Variants in ANKS1A observed in about 807,000 individuals in gnomAD.
The protein encoded by ANKS1A is ankyrin repeat and sterile alpha motif domain containing 1A, also known as ankyrin repeat and SAM domain-containing protein 1A.
ANKS1A carries 55 observed loss-of-function variants against 120.3 expected under a neutral mutation model. That is an observed-to-expected ratio of 0.46 (90% CI 0.37 to 0.57). The LOEUF is 0.57. ANKS1A is among the 20% of genes least tolerant of loss of function. ANKS1A has a pLI of 0.00. For synonymous variants in ANKS1A, 590 were observed against 604.7 expected (o/e 0.98, Z 0.36); for missense variants, 1,123 against 1,480.3 (o/e 0.76, Z 3.96).
intron 11 of ANKS1A, among the ~76,000 whole-genome samples, chr6:35,042,579 G>A (rs1775516537): frequency 6.6e-6 from 1 of 152,232 alleles, no homozygotes; most frequent in Non-Finnish European, 1.5e-5. Context: ...CGGACCTTAT[G>A]TATGTGTGAG....
chr6:35,062,537 C>T (rs981683964), intron 13 of ANKS1A, among the ~76,000 whole-genome samples: 1 of 152,206 alleles, frequency 6.6e-6, no homozygotes, highest in Non-Finnish European at 1.5e-5. Context: ...GACTCTTCTA[C>T]AAGATGCAGA....
intron 1 of ANKS1A, among the ~76,000 whole-genome samples, chr6:34,924,037 C>T (rs1581699139): frequency 6.6e-6 from 1 of 151,972 alleles, no homozygotes; most frequent in Non-Finnish European, 1.5e-5. Context: ...TTGGCTTGGC[C>T]CCATGGCCTC....
chr6:35,056,524 C>A (rs920100260), intron 12 of ANKS1A, among the ~76,000 whole-genome samples: 1 of 152,212 alleles, frequency 6.6e-6, no homozygotes, highest in East Asian at 1.9e-4. Flanking sequence ...TCCTGACCTC[C>A]TGATCCACCC....
At chr6:35,091,611 C>G (rs568790464), downstream of ANKS1A, among the ~76,000 whole-genome samples, 1 of 152,310 alleles carries the variant, frequency 6.6e-6, no homozygotes, top group South Asian at 2.1e-4. Flanking sequence ...GGCGCAAGGG[C>G]CCCAGGATTC....
At chr6:34,984,156 T>C (rs1772062321) in intron 7 of ANKS1A, among the ~76,000 whole-genome samples, 2 of 152,250 alleles carry the variant, frequency 1.3e-5, no homozygotes, top group East Asian at 3.9e-4. Flanking sequence ...TAATATATCA[T>C]ATGAGCAACA....
Position 35,078,326 on chromosome 6 carries a change from G to A in ANKS1A, c.2185-232G>A, listed in dbSNP as rs992458966. Among the ~76,000 whole-genome samples the A allele has an allele frequency of 7.9e-5, 12 of 152,314 alleles. No individual in the cohort carries two copies. The East Asian group carries it at 2.1e-3, about 27-fold the overall frequency. On this transcript the variant is annotated intron_variant, in intron 13 of 23. Coordinates refer to ENST00000360359, the MANE Select transcript of ANKS1A (RefSeq NM_015245.3). Reference sequence around the variant, plus strand: ...GCAGGCGGCACCCCCACCCTTGTGTGCCCTGGCCGGCCTCAGCACCCTGTG... The same window carrying A: ...GCAGGCGGCACCCCCACCCTTGTGTACCCTGGCCGGCCTCAGCACCCTGTG...
chr6:35,038,292 C>G (rs1581684346), intron 11 of ANKS1A: 2 of 456,526 alleles, frequency 4.4e-6, no homozygotes, highest in South Asian at 3.1e-5. Flanking sequence ...TTGCATGCCA[C>G]AGTGGTGAAG....
chr6:35,095,660 A>AAAC (rs1376234999), downstream of ANKS1A, among the ~76,000 whole-genome samples: 15 of 151,790 alleles, frequency 9.9e-5, no homozygotes, highest in African/African-American at 3.6e-4. Context: ...AAAAAAAAAA[A>AAAC]AAAAGCTGGA....
At chr6:34,991,597 T>TAC (rs1772528167) in intron 9 of ANKS1A, among the ~76,000 whole-genome samples, 3 of 147,838 alleles carry the variant, frequency 2.0e-5, no homozygotes, top group East Asian at 2.0e-4. Context: ...CATATATATA[T>TAC]ACACACATAT....
rs745698580 is a variant in ANKS1A, at chr6:35,083,254, G to A, written c.2907+28G>A. ...AGGGTGCCTGTGTGGGCTGGAGGGCGCTGTGGGACTGGCCAGCAGAAGGCA... is the reference window on the plus strand; with the variant it reads ...AGGGTGCCTGTGTGGGCTGGAGGGCACTGTGGGACTGGCCAGCAGAAGGCA... On this transcript the variant is annotated intron_variant, in intron 19 of 23. Transcript: ENST00000360359. 115 of 1,613,424 alleles carry A rather than the reference G, an allele frequency of 7.1e-5. 1 individual carries two copies. In the South Asian group the frequency reaches 1.0e-3, roughly 15 times the overall value.
intron 1 of ANKS1A, 102 bp from the exon 2 acceptor site, chr6:34,967,137 C>G (rs191499494): frequency 2.7e-6 from 3 of 1,130,058 alleles, no homozygotes; most frequent in East Asian, 4.7e-5. Flanking sequence ...TCTGGTTGAA[C>G]ACCACACAGA....
chr6:35,030,028 A>G (rs1774827215), intron 11 of ANKS1A, among the ~76,000 whole-genome samples: 1 of 152,138 alleles, frequency 6.6e-6, no homozygotes, highest in Non-Finnish European at 1.5e-5. Flanking sequence ...TTTCCTGGTG[A>G]TGAAACTAAA....
intron 10 of ANKS1A, among the ~76,000 whole-genome samples, chr6:35,015,513 G>T (rs890692153): frequency 6.6e-6 from 1 of 152,008 alleles, no homozygotes; most frequent in African/African-American, 2.4e-5. Context: ...AAAAAATAAA[G>T]AAGTGTAGAG....
intron 3 of ANKS1A, 121 bp from the exon 4 acceptor site, chr6:34,981,569 G>C: frequency 9.3e-7 from 1 of 1,074,342 alleles, no homozygotes; most frequent in Non-Finnish European, 1.3e-6. Context: ...ACTTTTATTA[G>C]CCCCCAAGTG....
chr6:34,982,080 TA>T lies in ANKS1A; in HGVS notation c.732+95del. 1 of 1,447,080 alleles carries T rather than the reference TA, an allele frequency of 6.9e-7. No homozygotes were observed. Among genetic ancestry groups the T allele is most frequent in the Non-Finnish European group, 9.3e-7 (1 of 1,074,042 alleles). 89.6% of individuals were successfully genotyped at this position (1,447,080 alleles called of 1,614,324 possible). A position where few individuals can be genotyped will look rare whatever the true frequency, so the allele number is the denominator to read the frequency against. ...ATGCTGCTGGGCTGTGCTCTTTATTTAGCACGTTTCACATCATGTTTCAAAT... is the reference window on the plus strand; with the variant it reads ...ATGCTGCTGGGCTGTGCTCTTTATTTGCACGTTTCACATCATGTTTCAAAT... On this transcript the variant is annotated intron_variant, in intron 4 of 23. Coordinates refer to ENST00000360359, the MANE Select transcript of ANKS1A (RefSeq NM_015245.3). This position sits in a 1 kb window ranked among gnomAD's most constrained non-coding sequence, Gnocchi z 4.9.
chr6:35,030,832 C>T lies in ANKS1A; in HGVS notation c.2010+12773C>T, dbSNP rs116570282. On this transcript the variant is annotated intron_variant, in intron 11 of 23. Coordinates refer to ENST00000360359, the MANE Select transcript of ANKS1A (RefSeq NM_015245.3). ...TTCTCGTTTCCTTGCCAGGCAGGCA[C>T]GCCAGTTTCTTCTCTCTCACCTCAG... Among the ~76,000 whole-genome samples, 929 of 152,302 alleles carry T rather than the reference C, an allele frequency of 6.1e-3. 9 individuals carry two copies. The highest frequency in any genetic ancestry group is 0.021 in the African/African-American group (883 of 41,570).
In ANKS1A at chr6:35,090,804, G is replaced by A. The variant is rs959569867; in HGVS notation, c.*2195G>A. 3.8e-5 allele frequency: 37 copies of A among 985,792 alleles called. No individual in the cohort carries two copies. The highest frequency in any genetic ancestry group is 1.7e-4 in the African/African-American group (10 of 57,250). The allele number at this position is 985,792 out of a possible 1,614,324, so 61.1% of individuals were successfully genotyped here. A position where few individuals can be genotyped will look rare whatever the true frequency, so the allele number is the denominator to read the frequency against. On this transcript the variant is annotated 3_prime_UTR_variant, in exon 24 of 24. Transcript: ENST00000360359. ...TTCTGAACTGTGAAGGAGCCCATTC[G>A]GGTGGGAGACTTCAGATGGGCTCAG...
intron 1 of ANKS1A, among the ~76,000 whole-genome samples, chr6:34,950,042 G>A (rs1443409757): frequency 6.6e-6 from 1 of 152,094 alleles, no homozygotes; most frequent in African/African-American, 2.4e-5. Context: ...AAGTGTTTGT[G>A]TGTATGTTGT....
chr6:35,057,134 C>G lies in ANKS1A; in HGVS notation c.2077+2969C>G, dbSNP rs1015262028. 6.6e-6 allele frequency among the ~76,000 whole-genome samples: 1 copy of G among 152,232 alleles called. No homozygotes were observed. Among genetic ancestry groups the G allele is most frequent in the East Asian group, 1.9e-4 (1 of 5,140 alleles). ...GTTTTGCAGAGGCGCCCGCACCCCC[C>G]AGCCGAAGGGCACGACCACAGCATT... On this transcript the variant is annotated intron_variant, in intron 12 of 23. Coordinates refer to ENST00000360359, the MANE Select transcript of ANKS1A (RefSeq NM_015245.3). This position sits in a 1 kb window ranked among gnomAD's most constrained non-coding sequence, Gnocchi z 4.1.
Sources: allele counts gnomAD v4.1 joint callset (sites outside exome capture counted in the v4.1 genomes callset), GRCh38; gene constraint gnomAD v4.1.1; non-coding constraint Gnocchi (gnomAD v3.1); transcripts MANE v1.5; gene names NCBI Gene and HGNC (gene_info 2026-07-23, HGNC 2026-07-21).